The following RBFOX1 variants were observed in gnomAD, a reference collection of about 807,000 sequenced individuals.
The protein encoded by RBFOX1 is RNA binding protein fox-1 homolog 1.
In RBFOX1, 8 loss-of-function variants were observed where a neutral mutation model predicts 57.7. The observed-to-expected ratio is 0.14, with a 90% CI of 0.08 to 0.25. The LOEUF is 0.25. Among genes scored for constraint, RBFOX1 ranks in the 10% least tolerant of loss-of-function variants. The pLI, the probability that RBFOX1 is intolerant of heterozygous loss-of-function variation, is 1.00. For synonymous variants in RBFOX1, 326 were observed against 222.4 expected (o/e 1.47, Z -4.15); for missense variants, 611 against 548.5 (o/e 1.11, Z -1.14).
intron 5 of RBFOX1, among the ~76,000 whole-genome samples, chr16:7,570,740 T>C (rs1263103411): frequency 1.3e-5 from 2 of 152,206 alleles, no homozygotes; most frequent in African/African-American, 2.4e-5. Flanking sequence ...TTTCTGGGTA[T>C]ATACCAAAGG....
intron 3 of RBFOX1, among the ~76,000 whole-genome samples, chr16:6,913,456 G>A (rs1047441703): frequency 6.6e-6 from 1 of 152,082 alleles, no homozygotes; most frequent in African/African-American, 2.4e-5. Flanking sequence ...ACCAGACCCT[G>A]AGCATGTTGC....
chr16:5,698,527 A>C (rs770281283), intron 3 of RBFOX1, among the ~76,000 whole-genome samples: 18 of 152,298 alleles, frequency 1.2e-4, no homozygotes, highest in Non-Finnish European at 2.1e-4. Context: ...GCTGCTTTAT[A>C]GTTTATTTTT....
intron 1 of RBFOX1, among the ~76,000 whole-genome samples, chr16:6,086,887 T>C (rs1486141887): frequency 6.6e-6 from 1 of 152,206 alleles, no homozygotes; most frequent in Non-Finnish European, 1.5e-5. Flanking sequence ...TTTAGGGTCT[T>C]TCCTTGTTGA....
intron 2 of RBFOX1, among the ~76,000 whole-genome samples, chr16:6,343,857 C>G (rs529077297): frequency 1.3e-5 from 2 of 152,252 alleles, no homozygotes; most frequent in Admixed American, 6.5e-5. Context: ...TGGGCTTTGT[C>G]TTCATCCTTA....
chr16:6,977,669 G>C (rs1220311909), intron 3 of RBFOX1, among the ~76,000 whole-genome samples: 3 of 152,138 alleles, frequency 2.0e-5, no homozygotes, highest in African/African-American at 4.8e-5. Flanking sequence ...CACTAACCGA[G>C]TGCCAAGCAC....
At chr16:5,369,267 G>T (rs2065801494) in intron 1 of RBFOX1, among the ~76,000 whole-genome samples, 1 of 152,196 alleles carries the variant, frequency 6.6e-6, no homozygotes, top group East Asian at 1.9e-4. Flanking sequence ...CTCCCAAAGT[G>T]CTGAGATTAC....
chr16:5,709,710 C>T (rs961813391), intron 3 of RBFOX1, among the ~76,000 whole-genome samples: 1 of 89,934 alleles, frequency 1.1e-5, no homozygotes, highest in Non-Finnish European at 3.2e-5. Context: ...ACCTGGTATT[C>T]TATGGTATAT....
intron 4 of RBFOX1, among the ~76,000 whole-genome samples, chr16:7,345,955 C>T (rs1212567993): frequency 2.0e-5 from 3 of 152,114 alleles, no homozygotes; most frequent in African/African-American, 7.2e-5. Flanking sequence ...TTAGGTATAT[C>T]TCCTAATGCT....
chr16:7,707,142 G>C (rs17696270), intron 14 of RBFOX1, among the ~76,000 whole-genome samples: 46,614 of 152,074 alleles, frequency 0.31, 7,350 homozygotes, highest in African/African-American at 0.32. Context: ...GAAGCTGAAA[G>C]CCTCATCTAG....
intron 2 of RBFOX1, among the ~76,000 whole-genome samples, chr16:6,480,307 A>G (rs2095353257): frequency 6.6e-6 from 1 of 152,218 alleles, no homozygotes; most frequent in African/African-American, 2.4e-5. Context: ...ATATGCATGT[A>G]AAGGGCCAGA....
intron 1 of RBFOX1, among the ~76,000 whole-genome samples, chr16:6,250,746 G>C (rs1361551142): frequency 6.6e-6 from 1 of 152,156 alleles, no homozygotes; most frequent in African/African-American, 2.4e-5. Flanking sequence ...GCACTTCCCA[G>C]CTTGAATCAG....
chr16:7,408,093 G>A (rs1385160098), intron 4 of RBFOX1, among the ~76,000 whole-genome samples: 1 of 152,194 alleles, frequency 6.6e-6, no homozygotes, highest in Non-Finnish European at 1.5e-5. Context: ...GGACAGAAAG[G>A]TTGATTAACC....
intron 11 of RBFOX1, among the ~76,000 whole-genome samples, chr16:7,649,069 C>T (rs910957031): frequency 6.6e-5 from 10 of 151,962 alleles, no homozygotes; most frequent in Admixed American, 3.3e-4. Context: ...AAAAAGAATT[C>T]GGGGCCAGTC....
chr16:6,172,486 C>T (rs117389169), intron 1 of RBFOX1, among the ~76,000 whole-genome samples: 1 of 152,240 alleles, frequency 6.6e-6, no homozygotes, highest in Non-Finnish European at 1.5e-5. Context: ...CAAAAATTGC[C>T]CCTGTGGCCC....
intron 1 of RBFOX1, among the ~76,000 whole-genome samples, chr16:6,304,004 G>C (rs2079147456): frequency 6.6e-6 from 1 of 151,312 alleles, no homozygotes; most frequent in South Asian, 2.1e-4. Flanking sequence ...TAGAATCGGG[G>C]TTTCACCATG....
intron 3 of RBFOX1, among the ~76,000 whole-genome samples, chr16:6,701,037 G>A (rs77636283): frequency 0.011 from 1,172 of 102,482 alleles, 18 homozygotes; most frequent in African/African-American, 0.056. Context: ...TTGGGCAGAG[G>A]GGGGGGTGAG....
chr16:5,392,296 TTAAAAAA>T (rs1265132847), intron 1 of RBFOX1, among the ~76,000 whole-genome samples: 1 of 152,058 alleles, frequency 6.6e-6, no homozygotes, highest in African/African-American at 2.4e-5. Context: ...AAAAAATTAC[TTAAAAAA>T]TAAAATAAGG....
chr16:6,785,100 C>A (rs80131996), intron 3 of RBFOX1, among the ~76,000 whole-genome samples: 2,601 of 152,136 alleles, frequency 0.017, 85 homozygotes, highest in African/African-American at 0.059. Context: ...AGAAAGTGGT[C>A]ATGGTTCCTT....
chr16:6,700,183 C>G (rs933601249), intron 3 of RBFOX1, among the ~76,000 whole-genome samples: 6 of 152,012 alleles, frequency 3.9e-5, no homozygotes, highest in African/African-American at 1.2e-4. Flanking sequence ...GGGGGACTTA[C>G]TCAATTTTTC....
Sources: gnomAD v4.1 joint callset for allele counts (sites outside exome capture counted in the v4.1 genomes callset) on GRCh38, gnomAD v4.1.1 for gene constraint, MANE v1.5 for transcripts, NCBI Gene and HGNC (gene_info 2026-07-23, HGNC 2026-07-21) for gene names.